DENND1A: variants seen among roughly 807,000 people sequenced by gnomAD.
The protein encoded by DENND1A is DENN domain containing 1A, also known as DENN domain-containing protein 1A.
In DENND1A, 51 loss-of-function variants were observed where a neutral mutation model predicts 113.7. That is an observed-to-expected ratio of 0.45 (90% CI 0.36 to 0.57). The LOEUF (loss-of-function observed/expected upper bound fraction) is 0.57. Ranked by LOEUF, DENND1A falls within the 20% of genes least tolerant of loss-of-function variation. DENND1A has a pLI of 0.00. For synonymous variants in DENND1A, 565 were observed against 570.8 expected (o/e 0.99, Z 0.14); for missense variants, 1,258 against 1,395.9 (o/e 0.90, Z 1.57).
chr9:123,656,221 C>T (rs1189481479), intron 8 of DENND1A, among the ~76,000 whole-genome samples: 11 of 151,318 alleles, frequency 7.3e-5, no homozygotes, highest in Non-Finnish European at 1.3e-4. Context: ...GGAGCGCACA[C>T]GCAGGGAAGA....
intron 13 of DENND1A, among the ~76,000 whole-genome samples, chr9:123,533,101 T>A (rs1344175388): frequency 6.6e-6 from 1 of 152,234 alleles, no homozygotes; most frequent in Non-Finnish European, 1.5e-5. Flanking sequence ...GCTTTCTCTA[T>A]CTCTGCTGTT....
At chr9:123,567,051 T>C (rs886333916) in intron 12 of DENND1A, among the ~76,000 whole-genome samples, 2 of 152,132 alleles carry the variant, frequency 1.3e-5, no homozygotes, top group African/African-American at 2.4e-5. Context: ...GGTCATTCCA[T>C]AAAAAGATTG....
chr9:123,786,897 C>T (rs1363850257), intron 3 of DENND1A, among the ~76,000 whole-genome samples: 7 of 151,806 alleles, frequency 4.6e-5, no homozygotes, highest in Admixed American at 3.9e-4. Context: ...GTACTGGAAG[C>T]ATGACAACAC....
At chr9:123,648,438 T>C (rs1460483917) in intron 9 of DENND1A, among the ~76,000 whole-genome samples, 1 of 152,234 alleles carries the variant, frequency 6.6e-6, no homozygotes, top group Non-Finnish European at 1.5e-5. Context: ...TATCTTTCCA[T>C]ACAGATGTTG....
chr9:123,504,990 C>T (rs903813567), intron 13 of DENND1A, among the ~76,000 whole-genome samples: 2 of 152,148 alleles, frequency 1.3e-5, no homozygotes, highest in East Asian at 3.8e-4. Context: ...AAGAACCCAC[C>T]CCCCTTGTAA....
In DENND1A at chr9:123,402,436, T is replaced by A. The variant is rs980182358; in HGVS notation, c.1631+966A>T. The A allele has an allele frequency of 7.8e-6, 4 of 513,252 alleles. No homozygotes were observed. The African/African-American group carries it at 7.9e-5, about 10-fold the overall frequency. 31.8% of individuals were successfully genotyped at this position (513,252 alleles called of 1,614,324 possible). ...ACAGCTCGAAATCATTTTTTTTCCTTCTTGCTCCAACTCTGACTGGGACCT... is the reference window on the plus strand; with the variant it reads ...ACAGCTCGAAATCATTTTTTTTCCTACTTGCTCCAACTCTGACTGGGACCT... On this transcript the variant is annotated intron_variant, in intron 21 of 23. Coordinates refer to ENST00000394215, the MANE Select transcript of DENND1A (RefSeq NM_001352964.2).
At chr9:123,458,579 C>T (rs1023313920) in intron 13 of DENND1A, among the ~76,000 whole-genome samples, 9 of 152,132 alleles carry the variant, frequency 5.9e-5, no homozygotes, top group African/African-American at 2.2e-4. Context: ...TTTAGGGAGA[C>T]ATGCCCTCCA....
At chr9:123,459,576 C>A (rs894036848) in intron 13 of DENND1A, among the ~76,000 whole-genome samples, 1 of 151,982 alleles carries the variant, frequency 6.6e-6, no homozygotes, top group Admixed American at 6.6e-5. Context: ...GAGCTAACAC[C>A]TCACTTTTTC....
At position 123,878,941 on chromosome 9, in the gene DENND1A, T is replaced by A. The variant is rs376621507; in HGVS notation, c.88+10A>T. On this transcript the variant is annotated intron_variant, in intron 2 of 23. Transcript: ENST00000394215. ...TAACACACCATATCATAATCAAACA[T>A]GCAAAGTACCTGAAAGAGTGCCACC... 2 of 1,613,692 alleles carry A rather than the reference T, an allele frequency of 1.2e-6. No individual in the cohort carries two copies. Among genetic ancestry groups the A allele is most frequent in the Non-Finnish European group, 1.7e-6 (2 of 1,179,722 alleles).
At chr9:123,712,189 T>C (rs1450774171) in intron 5 of DENND1A, among the ~76,000 whole-genome samples, 1 of 152,262 alleles carries the variant, frequency 6.6e-6, no homozygotes, top group African/African-American at 2.4e-5. Context: ...CCTACATGAC[T>C]ATTCCATATC....
chr9:123,537,197 G>T (rs1428792318), intron 13 of DENND1A, among the ~76,000 whole-genome samples: 1 of 151,592 alleles, frequency 6.6e-6, no homozygotes, highest in Non-Finnish European at 1.5e-5. Flanking sequence ...TAGAACTCAG[G>T]AAAATATTAG....
chr9:123,709,900 C>A (rs746031550), intron 5 of DENND1A, among the ~76,000 whole-genome samples: 1 of 152,116 alleles, frequency 6.6e-6, no homozygotes, highest in Non-Finnish European at 1.5e-5. Flanking sequence ...AATATTGGTT[C>A]GGCAACCACT....
chr9:123,725,670 G>C (rs2067653194), intron 5 of DENND1A, among the ~76,000 whole-genome samples: 1 of 152,248 alleles, frequency 6.6e-6, no homozygotes, highest in African/African-American at 2.4e-5. Context: ...CTGGCCAGCT[G>C]AGAGCAGTCA....
chr9:123,843,265 A>G lies in DENND1A; in HGVS notation c.88+35686T>C, dbSNP rs563652965. On this transcript the variant is annotated intron_variant, in intron 2 of 23. Transcript: ENST00000394215. The stretch of plus-strand genomic sequence containing the variant: ...AAAAAAGTTCATTATCACACAAGGT[A>G]ACTTGATTTTTGAAATGCTGTATCT... The G allele has an allele frequency of 3.6e-5, 17 of 466,752 alleles. No homozygotes were observed. The East Asian group carries it at 9.4e-4, about 26-fold the overall frequency. The allele number at this position is 466,752 out of a possible 1,614,324, so 28.9% of individuals were successfully genotyped here. A position where few individuals can be genotyped will look rare whatever the true frequency, so the allele number is the denominator to read the frequency against.
chr9:123,927,460 T>TG (rs1212728647), intron 1 of DENND1A, among the ~76,000 whole-genome samples: 2 of 151,966 alleles, frequency 1.3e-5, no homozygotes, highest in African/African-American at 2.4e-5. Context: ...ATACAGAAGG[T>TG]GAAAAAAAAG....
At chr9:123,867,857 G>A (rs1275908884) in intron 2 of DENND1A, among the ~76,000 whole-genome samples, 1 of 152,174 alleles carries the variant, frequency 6.6e-6, no homozygotes, top group Non-Finnish European at 1.5e-5. Flanking sequence ...TCAAGATACT[G>A]TAAGACACTC....
At chr9:123,413,926 C>G (rs2131590710) in intron 19 of DENND1A, 1 of 986,530 alleles carries the variant, frequency 1.0e-6, no homozygotes, top group African/African-American at 1.7e-5. Context: ...GCTACCCTGT[C>G]TAGACACCCA....
At chr9:123,866,803 T>C (rs1238203181) in intron 2 of DENND1A, among the ~76,000 whole-genome samples, 2 of 152,236 alleles carry the variant, frequency 1.3e-5, no homozygotes, top group Non-Finnish European at 2.9e-5. Context: ...CAGAATTTAG[T>C]TTAAATAGCT....
intron 12 of DENND1A, among the ~76,000 whole-genome samples, chr9:123,568,342 T>TG (rs2058168111): frequency 6.6e-6 from 1 of 152,222 alleles, no homozygotes; most frequent in African/African-American, 2.4e-5. Flanking sequence ...TTCTTTTTTT[T>TG]GCAGGATTCT....
Sources: allele counts gnomAD v4.1 joint callset (sites outside exome capture counted in the v4.1 genomes callset), GRCh38; gene constraint gnomAD v4.1.1; transcripts MANE v1.5; gene names NCBI Gene and HGNC (gene_info 2026-07-23, HGNC 2026-07-21).